The following NIF3L1 variants were observed in gnomAD, a reference collection of about 807,000 sequenced individuals.
NIF3L1 encodes NGG1 interacting factor 3 like 1, also known as NIF3-like protein 1.
A neutral mutation model predicts 35.0 loss-of-function variants in NIF3L1; 26 were observed. That is an observed-to-expected ratio of 0.74 (90% CI 0.54 to 1.03). NIF3L1 has a LOEUF of 1.03. Ranked by LOEUF, NIF3L1 falls within the 50% of genes least tolerant of loss-of-function variation. NIF3L1 has a pLI of 0.00. For synonymous variants in NIF3L1, 157 were observed against 178.9 expected, an observed-to-expected ratio of 0.88 and a Z score of 0.98; for missense variants, 449 against 466.3, an observed-to-expected ratio of 0.96 and a Z score of 0.34.
chr2:200,898,409 C>G (rs1369839314), intron 5 of NIF3L1, among the ~76,000 whole-genome samples: 1 of 152,122 alleles, frequency 6.6e-6, no homozygotes, highest in Non-Finnish European at 1.5e-5. Flanking sequence ...CACGCATTAT[C>G]ACAAGAACAG....
chr2:200,889,800 G>A (rs1214895651), intron 1 of NIF3L1, 148 bp downstream of exon 1: 1 of 152,260 alleles, frequency 6.6e-6, no homozygotes, highest in African/African-American at 2.4e-5. Context: ...TTCCATTAAG[G>A]AGGAAACTGC....
chr2:200,893,230 A>C lies in NIF3L1; in HGVS notation c.437-16A>C. ...CACCCCCCAAAACTCCCATTTTCCCACAATATTTTCTCTAGGAGCTTGTAC... is the reference window on the plus strand; with the variant it reads ...CACCCCCCAAAACTCCCATTTTCCCCCAATATTTTCTCTAGGAGCTTGTAC... On this transcript the variant is annotated splice_polypyrimidine_tract_variant and intron_variant, in intron 2 of 6. Transcript: ENST00000409020. The C allele has an allele frequency of 6.8e-7, 1 of 1,467,432 alleles. No homozygotes were observed. The allele number at this position is 1,467,432 out of a possible 1,614,324, so 90.9% of individuals were successfully genotyped here. A position where few individuals can be genotyped will look rare whatever the true frequency, so the allele number is the denominator to read the frequency against.
rs7917 is a variant in NIF3L1, at chr2:200,903,515, C to T, written c.971C>T (p.Thr324Ile). 0.23 allele frequency: 365,955 copies of T among 1,611,958 alleles called. 48,633 individuals are homozygous for T. Among genetic ancestry groups the T allele is most frequent in the African/African-American group, 0.59 (44,500 of 74,874 alleles). Reference protein sequence around the residue: ...YLTGEMSHHDTLDAASQGINV... With the variant: ...YLTGEMSHHDILDAASQGINV... ...GTAGGTGAGATGTCCCATCATGATA[C>T]TTTGGATGCTGCTTCCCAAGGAATA... The change falls in exon 7 of 7, where the codon ACT becomes ATT. Residue 324 changes from threonine to isoleucine, a missense_variant. Physicochemically the swap from Thr to Ile is moderately conservative, Grantham distance 89. Coordinates refer to ENST00000409020, the MANE Select transcript of NIF3L1 (RefSeq NM_001369441.2).
chr2:200,899,459 T>C lies in NIF3L1; in HGVS notation c.940T>C (p.Tyr314His). 2 of 1,613,872 alleles carry C rather than the reference T, an allele frequency of 1.2e-6. No homozygotes were observed. Among genetic ancestry groups the C allele is most frequent in the Non-Finnish European group, 1.7e-6 (2 of 1,179,774 alleles). The change falls in exon 6 of 7, where the codon TAC becomes CAC. Residue 314 changes from tyrosine to histidine, a missense_variant. Coordinates refer to ENST00000409020, the MANE Select transcript of NIF3L1 (RefSeq NM_001369441.2). Reference protein sequence around the residue: ...SVLQGVEADLYLTGEMSHHDT... With the variant: ...SVLQGVEADLHLTGEMSHHDT... ...TCTGCAGGGTGTTGAGGCTGACCTT[T>C]ACCTCACAGGTAGGACAGACTTTGG...
Position 200,903,511 on chromosome 2 carries a change from G to C in NIF3L1, c.967G>C (p.Asp323His). The C allele has an allele frequency of 6.2e-7, 1 of 1,613,698 alleles. No homozygotes were observed. The highest frequency in any genetic ancestry group is 8.5e-7 in the Non-Finnish European group (1 of 1,179,632). The part of the protein sequence containing the change: ...LYLTGEMSHH[D>H]TLDAASQGIN... ...TTTGGTAGGTGAGATGTCCCATCAT[G>C]ATACTTTGGATGCTGCTTCCCAAGG... The change falls in exon 7 of 7, where the codon GAT becomes CAT. Residue 323 changes from aspartate to histidine, a missense_variant. Coordinates refer to ENST00000409020, the MANE Select transcript of NIF3L1 (RefSeq NM_001369441.2).
rs1433336739 is a variant in NIF3L1 at position 200,903,883 on chromosome 2, A to G, written c.*205A>G. ...CTACCATATTAAATAACAAATGTTCATTATAAACTCTAGGAAAGATTGAAT... is the reference window on the plus strand; with the variant it reads ...CTACCATATTAAATAACAAATGTTCGTTATAAACTCTAGGAAAGATTGAAT... On this transcript the variant is annotated 3_prime_UTR_variant, in exon 7 of 7. Coordinates refer to ENST00000409020, the MANE Select transcript of NIF3L1 (RefSeq NM_001369441.2). The G allele has an allele frequency of 1.7e-6, 1 of 577,290 alleles. No homozygotes were observed. The highest frequency in any genetic ancestry group is 3.0e-5 in the East Asian group (1 of 33,778). The allele number at this position is 577,290 out of a possible 1,614,324, so 35.8% of individuals were successfully genotyped here. A position where few individuals can be genotyped will look rare whatever the true frequency, so the allele number is the denominator to read the frequency against.
In NIF3L1 at chr2:200,903,659, A is replaced by T; in HGVS notation, c.1115A>T (p.Asp372Val). 2 of 1,612,720 alleles carry T rather than the reference A, an allele frequency of 1.2e-6. No homozygotes were observed. The highest frequency in any genetic ancestry group is 1.7e-6 in the Non-Finnish European group (2 of 1,178,680). The change falls in exon 7 of 7, where the codon GAC (aspartate) becomes GTC (valine). Residue 372 changes from aspartate (D) to valine (V), a missense_variant. Coordinates refer to ENST00000409020, the MANE Select transcript of NIF3L1 (RefSeq NM_001369441.2). ...ATTATCCTATCAGAGACTGACAGGG[A>T]CCCTCTTCAGGTGGTATAATTGCAG... ...INIILSETDR[D>V]PLQVV
intron 3 of NIF3L1, among the ~76,000 whole-genome samples, chr2:200,894,057 C>G (rs1179653475): frequency 6.6e-6 from 1 of 151,718 alleles, no homozygotes; most frequent in Non-Finnish European, 1.5e-5. Flanking sequence ...GCCTGTAATC[C>G]CAGCTACTCA....
chr2:200,892,288 G>A lies in NIF3L1; in HGVS notation c.345G>A (p.Arg115=), dbSNP rs1360982308. The A allele has an allele frequency of 6.2e-7, 1 of 1,613,906 alleles. No homozygotes were observed. Among genetic ancestry groups the A allele is most frequent in the Non-Finnish European group, 8.5e-7 (1 of 1,180,032 alleles). ...WNTWKERLVI[R]ALENRVGIYS... ...CATGGAAGGAGCGCCTGGTGATCCGGGCTCTGGAGAACAGAGTCGGTATCT... is the reference window on the plus strand; with the variant it reads ...CATGGAAGGAGCGCCTGGTGATCCGAGCTCTGGAGAACAGAGTCGGTATCT... The change falls in exon 2 of 7, where the codon CGG becomes CGA. Residue 115 remains arginine, a synonymous_variant. Coordinates refer to ENST00000409020, the MANE Select transcript of NIF3L1 (RefSeq NM_001369441.2).
intron 5 of NIF3L1, 116 bp from the exon 6 acceptor site, chr2:200,899,269 T>C: frequency 1.5e-6 from 1 of 660,812 alleles, no homozygotes; most frequent in Non-Finnish European, 2.6e-6. Flanking sequence ...ATTCATATAC[T>C]GGTGATGAGA....
intron 3 of NIF3L1, among the ~76,000 whole-genome samples, chr2:200,894,805 G>C (rs931192310): frequency 4.6e-5 from 7 of 150,616 alleles, no homozygotes; most frequent in Non-Finnish European, 8.9e-5. Flanking sequence ...TGAACTCCTG[G>C]GCTCAAGTGA....
chr2:200,891,973 C>T lies in NIF3L1; in HGVS notation c.30C>T (p.Pro10=). MLSSCVRPV[P]TTVRFVDSLI... Reference sequence around the variant, plus strand: ...TGTCATCTTGCGTACGCCCAGTCCCCACGACAGTCCGGTTTGTAGATTCCC... The same window carrying T: ...TGTCATCTTGCGTACGCCCAGTCCCTACGACAGTCCGGTTTGTAGATTCCC... Residue 10 remains proline, a synonymous_variant, in exon 2 of 7, where the codon CCC becomes CCT. Transcript: ENST00000409020. 2 of 1,613,466 alleles carry T rather than the reference C, an allele frequency of 1.2e-6. No homozygotes were observed. Among genetic ancestry groups the T allele is most frequent in the Non-Finnish European group, 1.7e-6 (2 of 1,179,626 alleles).
chr2:200,902,522 C>T (rs972398315), intron 6 of NIF3L1, among the ~76,000 whole-genome samples: 3 of 152,008 alleles, frequency 2.0e-5, no homozygotes, highest in African/African-American at 4.8e-5. Context: ...GAGCTGAGAT[C>T]GTGCTACTGT....
intron 3 of NIF3L1, among the ~76,000 whole-genome samples, chr2:200,894,745 A>G (rs2124884742): frequency 6.9e-6 from 1 of 144,654 alleles, no homozygotes; most frequent in African/African-American, 2.6e-5. Flanking sequence ...ATTTTTTAAT[A>G]ATTAAAAAAA....
At chr2:200,899,170 T>G in intron 5 of NIF3L1, 3 of 398,660 alleles carry the variant, frequency 7.5e-6, no homozygotes, top group Non-Finnish European at 1.4e-5. Flanking sequence ...AAAGGAATAA[T>G]AACCATGCCT....
chr2:200,892,184 G>A lies in NIF3L1; in HGVS notation c.241G>A (p.Val81Met), dbSNP rs922345523. The A allele has an allele frequency of 6.2e-7, 1 of 1,614,176 alleles. No homozygotes were observed. The highest frequency in any genetic ancestry group is 1.1e-5 in the South Asian group (1 of 91,082). ...CCTGACTGAGGAAGTGATGGAGGAG[G>A]TGCTGCAAAAGAAGGCAGACCTCAT... is the stretch of plus-strand genomic sequence containing the variant. Reference protein sequence around the residue: ...NDLTEEVMEEVLQKKADLILS... With the variant: ...NDLTEEVMEEMLQKKADLILS... The change falls in exon 2 of 7, where the codon GTG (valine) becomes ATG (methionine). Residue 81 changes from valine (V) to methionine (M), a missense_variant. Coordinates refer to ENST00000409020, the MANE Select transcript of NIF3L1 (RefSeq NM_001369441.2).
chr2:200,895,532 T>C, intron 4 of NIF3L1, 142 bp downstream of exon 4: 7 of 797,030 alleles, frequency 8.8e-6, no homozygotes, highest in Non-Finnish European at 1.2e-5. Flanking sequence ...TTGTACATAT[T>C]TGATGTGTAC....
intron 1 of NIF3L1, among the ~76,000 whole-genome samples, chr2:200,890,351 C>G (rs929222874): frequency 6.6e-6 from 1 of 152,022 alleles, no homozygotes; most frequent in Non-Finnish European, 1.5e-5. Context: ...TAGTGAAACC[C>G]TGTGTCAAAA....
Position 200,892,053 on chromosome 2 carries a change from T to C in NIF3L1, c.110T>C (p.Leu37Ser), listed in dbSNP as rs1371785163. The change falls in exon 2 of 7, where the codon TTG becomes TCG. Residue 37 changes from leucine to serine, a missense_variant. Coordinates refer to ENST00000409020, the MANE Select transcript of NIF3L1 (RefSeq NM_001369441.2). Reference protein sequence around the residue: ...FMDLKALLSSLNDFASLSFAE... With the variant: ...FMDLKALLSSSNDFASLSFAE... ...GATTTGAAGGCTCTCCTTTCTTCCT[T>C]GAATGACTTTGCATCCCTCTCGTTT... The C allele has an allele frequency of 1.9e-6, 3 of 1,614,228 alleles. No individual in the cohort carries two copies. The highest frequency in any genetic ancestry group is 1.7e-5 in the Admixed American group (1 of 60,026).
Sources: allele counts gnomAD v4.1 joint callset (sites outside exome capture counted in the v4.1 genomes callset), GRCh38; gene constraint gnomAD v4.1.1; transcripts MANE v1.5; gene names NCBI Gene and HGNC (gene_info 2026-07-23, HGNC 2026-07-21).